Variants in SAP30BP observed in about 807,000 individuals in gnomAD.
The protein encoded by SAP30BP is SAP30-binding protein.
A neutral mutation model predicts 46.3 loss-of-function variants in SAP30BP; 31 were observed. That is an observed-to-expected ratio of 0.67 (90% CI 0.50 to 0.90). The LOEUF is 0.90. Ranked by LOEUF, SAP30BP falls within the 40% of genes least tolerant of loss-of-function variation. The pLI is 0.00. For synonymous variants in SAP30BP, 169 were observed against 144.2 expected (o/e 1.17, Z -1.23); for missense variants, 312 against 391.0 (o/e 0.80, Z 1.70).
In SAP30BP at chr17:75,703,449, G is replaced by A. The variant is rs990998311; in HGVS notation, c.549+78G>A. 3.8e-6 allele frequency: 5 copies of A among 1,324,868 alleles called. No individual in the cohort carries two copies. The African/African-American group carries it at 7.2e-5, about 19-fold the overall frequency. 82.1% of individuals were successfully genotyped at this position (1,324,868 alleles called of 1,614,324 possible). A position where few individuals can be genotyped will look rare whatever the true frequency, so the allele number is the denominator to read the frequency against. On this transcript the variant is annotated intron_variant, in intron 7 of 10. Coordinates refer to ENST00000584667, the MANE Select transcript of SAP30BP (RefSeq NM_013260.8). ...CTTGTTCCATGGGATTTGACCTGCA[G>A]CCACAGAAAGGTCCACGTGGTGGCA...
chr17:75,682,251 C>G (rs1431553925), intron 3 of SAP30BP, among the ~76,000 whole-genome samples: 2 of 151,402 alleles, frequency 1.3e-5, no homozygotes. Flanking sequence ...GTGGCGTGAT[C>G]TCAGCTCACT....
chr17:75,688,629 A>T (rs1305125782), intron 3 of SAP30BP, among the ~76,000 whole-genome samples: 1 of 152,150 alleles, frequency 6.6e-6, no homozygotes, highest in Non-Finnish European at 1.5e-5. Context: ...TTGAGGAAGC[A>T]TTGTTGGCTG....
chr17:75,703,142 CAGG>C (rs1330598107), intron 6 of SAP30BP, 166 bp from the exon 7 acceptor site: 3 of 622,378 alleles, frequency 4.8e-6, no homozygotes, highest in Non-Finnish European at 8.7e-6. Context: ...CCCTAGCTAA[CAGG>C]TCCATCTCCC....
In SAP30BP at chr17:75,706,784, C is replaced by G. The variant is rs1250656842; in HGVS notation, c.*263C>G. 3.9e-6 allele frequency: 2 copies of G among 517,982 alleles called. No individual in the cohort carries two copies. The highest frequency in any genetic ancestry group is 6.9e-5 in the Admixed American group (2 of 28,852). 32.1% of individuals were successfully genotyped at this position (517,982 alleles called of 1,614,324 possible). ...CTCTTGGCATCTCAGATGCACTGGC[C>G]TCTCCTGCATTCTGTTTGCAGGCAA... On this transcript the variant is annotated 3_prime_UTR_variant, in exon 11 of 11. Transcript: ENST00000584667. This position sits in a 1 kb window ranked among gnomAD's most constrained non-coding sequence, Gnocchi z 4.6.
intron 9 of SAP30BP, chr17:75,705,075 GCTTTGTCCGTTTTGGGTCATGGGGGCC>G (rs2060474996): frequency 1.1e-5 from 5 of 460,852 alleles, no homozygotes; most frequent in African/African-American, 2.0e-5. Flanking sequence ...GCCTTGGGGG[GCTTTGTCCGTTTTGGGTCATGGGGGCC>G]CTTTGTAGCC....
intron 2 of SAP30BP, among the ~76,000 whole-genome samples, chr17:75,670,482 C>T (rs915560048): frequency 2.6e-5 from 4 of 151,906 alleles, no homozygotes; most frequent in Non-Finnish European, 4.4e-5. Context: ...TCTGACTTTT[C>T]TGAAGTACAC....
Position 75,703,990 on chromosome 17 carries a change from G to A in SAP30BP, c.601+131G>A, listed in dbSNP as rs1476312205. The A allele has an allele frequency of 5.4e-5, 41 of 759,270 alleles. No homozygotes were observed. The Middle Eastern group carries it at 1.2e-3, about 22-fold the overall frequency. 47.0% of individuals were successfully genotyped at this position (759,270 alleles called of 1,614,324 possible). A position where few individuals can be genotyped will look rare whatever the true frequency, so the allele number is the denominator to read the frequency against. ...GTCAGGCCATGTTCAAGGGGGCTGG[G>A]TACAGGCCTGAATGAGACAGACCCA... On this transcript the variant is annotated intron_variant, in intron 8 of 10. Coordinates refer to ENST00000584667, the MANE Select transcript of SAP30BP (RefSeq NM_013260.8).
chr17:75,685,057 G>A (rs2060136553), intron 3 of SAP30BP, among the ~76,000 whole-genome samples: 1 of 152,154 alleles, frequency 6.6e-6, no homozygotes, highest in African/African-American at 2.4e-5. Context: ...CAAGTAACCT[G>A]AAGCTGAGAC....
chr17:75,691,305 G>A (rs1391495427), intron 3 of SAP30BP: 4 of 394,822 alleles, frequency 1.0e-5, no homozygotes, highest in Non-Finnish European at 2.0e-5. Context: ...TAATTTAGGG[G>A]GAACTGAAGA....
intron 5 of SAP30BP, among the ~76,000 whole-genome samples, chr17:75,701,904 T>A (rs1261002073): frequency 6.6e-6 from 1 of 152,244 alleles, no homozygotes; most frequent in Non-Finnish European, 1.5e-5. Context: ...TTTTCACTGC[T>A]CACTATACTG....
intron 2 of SAP30BP, among the ~76,000 whole-genome samples, chr17:75,671,358 A>G (rs1320455489): frequency 6.6e-6 from 1 of 152,216 alleles, no homozygotes; most frequent in Admixed American, 6.5e-5. Flanking sequence ...GGTGTTGGAC[A>G]CTGTTAGAGT....
At chr17:75,670,167 C>T (rs1468246211) in intron 2 of SAP30BP, among the ~76,000 whole-genome samples, 2 of 151,930 alleles carry the variant, frequency 1.3e-5, no homozygotes, top group African/African-American at 4.8e-5. Context: ...ACTAAAAATA[C>T]AATAATTAGC....
intron 3 of SAP30BP, among the ~76,000 whole-genome samples, chr17:75,674,690 GTTTTTTGTTTT>G (rs2059958967): frequency 1.5e-4 from 6 of 39,592 alleles, no homozygotes; most frequent in Admixed American, 3.1e-4. Context: ...TTTTTTGTTT[GTTTTTTGTTTT>G]TTTTTTTTTT....
intron 7 of SAP30BP, 79 bp from the exon 8 acceptor site, chr17:75,703,729 G>T: frequency 7.7e-7 from 1 of 1,294,738 alleles, no homozygotes; most frequent in Non-Finnish European, 1.1e-6. Flanking sequence ...AGACCAAGAA[G>T]CTCTATGGGA....
intron 3 of SAP30BP, among the ~76,000 whole-genome samples, chr17:75,673,809 T>A (rs1401123514): frequency 6.6e-6 from 1 of 152,200 alleles, no homozygotes; most frequent in Non-Finnish European, 1.5e-5. Flanking sequence ...AAATGCCTTT[T>A]GTGCTCAGGC....
intron 3 of SAP30BP, among the ~76,000 whole-genome samples, chr17:75,676,256 T>C (rs776281628): frequency 6.6e-6 from 1 of 152,238 alleles, no homozygotes; most frequent in Non-Finnish European, 1.5e-5. Context: ...TACCCATACA[T>C]GATTTGATAT....
At chr17:75,698,163 C>T (rs545575828) in intron 4 of SAP30BP, among the ~76,000 whole-genome samples, 2 of 152,308 alleles carry the variant, frequency 1.3e-5, no homozygotes, top group African/African-American at 2.4e-5. Context: ...CCCAAGGCTG[C>T]GGGGAAGAGG....
chr17:75,693,299 C>T (rs1038880699), intron 3 of SAP30BP, 141 bp from the exon 4 acceptor site: 17 of 668,794 alleles, frequency 2.5e-5, no homozygotes, highest in Admixed American at 1.9e-4. Context: ...CCAGAGGCCC[C>T]TGAAGCATCA....
At chr17:75,699,736 C>G in intron 4 of SAP30BP, 47 bp from the exon 5 acceptor site, 1 of 1,340,392 alleles carries the variant, frequency 7.5e-7, no homozygotes, top group Non-Finnish European at 1.1e-6. Flanking sequence ...ATGTCTGTCC[C>G]TTGTTCTAAT....
Sources: allele counts gnomAD v4.1 joint callset (sites outside exome capture counted in the v4.1 genomes callset), GRCh38; gene constraint gnomAD v4.1.1; non-coding constraint Gnocchi (gnomAD v3.1); transcripts MANE v1.5; gene names NCBI Gene and HGNC (gene_info 2026-07-23, HGNC 2026-07-21).